Variants in PIP4P2 observed in about 807,000 individuals in gnomAD.
PIP4P2 encodes type 2 phosphatidylinositol 4,5-bisphosphate 4-phosphatase.
PIP4P2 carries 19 observed loss-of-function variants against 33.3 expected under a neutral mutation model. The ratio of observed to expected loss-of-function variants is 0.57; its 90% CI spans 0.40 to 0.84. The LOEUF (loss-of-function observed/expected upper bound fraction) is 0.84. Among genes scored for constraint, PIP4P2 ranks in the 40% least tolerant of loss-of-function variants. The pLI is 0.00. For synonymous variants in PIP4P2, 110 were observed against 111.9 expected (o/e 0.98, Z 0.11); for missense variants, 270 against 324.7 (o/e 0.83, Z 1.29).
intron 1 of PIP4P2, among the ~76,000 whole-genome samples, chr8:91,025,248 A>T (rs1468578257): frequency 1.3e-5 from 2 of 152,164 alleles, no homozygotes; most frequent in Non-Finnish European, 2.9e-5. Flanking sequence ...AAAACTTCAG[A>T]GAAAAACGGA....
At position 91,013,054 on chromosome 8, in the gene PIP4P2, C is replaced by T. The variant is rs552833571; in HGVS notation, c.487-4259G>A. 2.9e-4 allele frequency among the ~76,000 whole-genome samples: 44 copies of T among 152,220 alleles called. No homozygotes were observed. The South Asian group carries it at 8.1e-3, about 28-fold the overall frequency. On this transcript the variant is annotated intron_variant, in intron 4 of 6. Transcript: ENST00000285419. ...AATTCTTTATGCTATTCTTGACTATCATCATCACTTTGCTGAAAAATAAAA... is the reference window on the plus strand; with the variant it reads ...AATTCTTTATGCTATTCTTGACTATTATCATCACTTTGCTGAAAAATAAAA...
At chr8:90,999,469 A>G (rs961912657) in intron 5 of PIP4P2, among the ~76,000 whole-genome samples, 58 of 152,190 alleles carry the variant, frequency 3.8e-4, no homozygotes, top group African/African-American at 1.2e-3. Context: ...TTTCCACTCA[A>G]TTCAAAGAGG....
intron 5 of PIP4P2, among the ~76,000 whole-genome samples, chr8:91,007,383 C>T (rs537643784): frequency 1.8e-4 from 27 of 152,268 alleles, no homozygotes; most frequent in South Asian, 6.2e-4. Context: ...TATTCTACTT[C>T]CAAATACTTT....
intron 5 of PIP4P2, among the ~76,000 whole-genome samples, chr8:91,005,521 T>C (rs1563562265): frequency 6.6e-6 from 1 of 152,208 alleles, no homozygotes; most frequent in East Asian, 1.9e-4. Context: ...CTTAAAACTT[T>C]ATAGTAATTA....
At chr8:91,018,709 G>T in intron 3 of PIP4P2, 196 bp from the exon 4 acceptor site, 2 of 645,826 alleles carry the variant, frequency 3.1e-6, no homozygotes, top group South Asian at 2.0e-5. Context: ...CTGTACTTGG[G>T]ATAGAAACAA....
intron 4 of PIP4P2, among the ~76,000 whole-genome samples, chr8:91,012,568 A>C (rs1811853516): frequency 6.6e-6 from 1 of 152,092 alleles, no homozygotes; most frequent in African/African-American, 2.4e-5. Flanking sequence ...GTGTTCCCCT[A>C]ATCAACAAAA....
intron 1 of PIP4P2, among the ~76,000 whole-genome samples, chr8:91,032,414 G>A (rs1049434226): frequency 7.9e-5 from 12 of 152,056 alleles, no homozygotes; most frequent in Non-Finnish European, 1.8e-4. Context: ...GAAACAGCAG[G>A]AAGAATGTAT....
At chr8:91,034,000 C>A (rs2130382542) in intron 1 of PIP4P2, among the ~76,000 whole-genome samples, 1 of 152,014 alleles carries the variant, frequency 6.6e-6, no homozygotes, top group Admixed American at 6.6e-5. Context: ...TTGCCTGGAG[C>A]ACTCTTTCAG....
intron 1 of PIP4P2, among the ~76,000 whole-genome samples, chr8:91,021,863 A>G (rs540802753): frequency 5.9e-5 from 9 of 152,284 alleles, no homozygotes; most frequent in African/African-American, 1.9e-4. Flanking sequence ...CTGTCTTTAT[A>G]TTGGAACCAG....
At position 90,995,268 on chromosome 8, in the gene PIP4P2, A is replaced by G. The variant is rs1359029515; in HGVS notation, c.*409T>C. On this transcript the variant is annotated 3_prime_UTR_variant, in exon 7 of 7. Transcript: ENST00000285419. ...ATATTGCTTAGGTTTTAAGCAAGCA[A>G]TTTTGATACTGTTTAATTAAAATGT... The G allele has an allele frequency of 6.5e-6, 1 of 152,710 alleles. No homozygotes were observed. Among genetic ancestry groups the G allele is most frequent in the African/African-American group, 2.4e-5 (1 of 41,428 alleles). The allele number at this position is 152,710 out of a possible 1,614,324, so 9.5% of individuals were successfully genotyped here.
At chr8:91,024,461 C>G (rs1370747141) in intron 1 of PIP4P2, 1 of 286,458 alleles carries the variant, frequency 3.5e-6, no homozygotes, top group Admixed American at 3.9e-5. Context: ...TAGATTTATT[C>G]ATTTTGTCTC....
intron 1 of PIP4P2, among the ~76,000 whole-genome samples, chr8:91,035,911 C>T (rs371365224): frequency 6.6e-6 from 1 of 151,834 alleles, no homozygotes; most frequent in Non-Finnish European, 1.5e-5. Flanking sequence ...ACTCAGGAGA[C>T]TGAGGTGGGA....
intron 4 of PIP4P2, among the ~76,000 whole-genome samples, chr8:91,010,437 T>A (rs976929114): frequency 6.6e-6 from 1 of 151,878 alleles, no homozygotes; most frequent in Non-Finnish European, 1.5e-5. Flanking sequence ...AAGGAGATTG[T>A]TTAGTCCAAT....
chr8:91,029,217 G>A (rs796788622), intron 1 of PIP4P2, among the ~76,000 whole-genome samples: 9 of 152,136 alleles, frequency 5.9e-5, no homozygotes, highest in African/African-American at 1.4e-4. Flanking sequence ...CTTGAACCCC[G>A]GAGGCGGAAG....
chr8:91,016,889 T>C (rs1474638378), intron 4 of PIP4P2, among the ~76,000 whole-genome samples: 1 of 152,112 alleles, frequency 6.6e-6, no homozygotes, highest in African/African-American at 2.4e-5. Flanking sequence ...GATTTACACA[T>C]AGAAAATTAA....
intron 1 of PIP4P2, among the ~76,000 whole-genome samples, chr8:91,027,628 G>A (rs1247197277): frequency 2.0e-5 from 3 of 151,984 alleles, no homozygotes; most frequent in Admixed American, 6.6e-5. Flanking sequence ...AAACCAAAGA[G>A]AATAAAACAC....
At chr8:91,008,603 T>A (rs1268574500) in intron 5 of PIP4P2, 140 bp downstream of exon 5, 12 of 591,710 alleles carry the variant, frequency 2.0e-5, no homozygotes, top group African/African-American at 3.7e-5. Context: ...ATCTTTTTAG[T>A]CTTAAAAAGC....
intron 1 of PIP4P2, among the ~76,000 whole-genome samples, chr8:91,038,133 A>T (rs1487788547): frequency 1.3e-5 from 2 of 152,172 alleles, no homozygotes; most frequent in Non-Finnish European, 2.9e-5. Context: ...CTTGTGCTAA[A>T]ACCAAACACA....
intron 5 of PIP4P2, among the ~76,000 whole-genome samples, chr8:91,007,905 C>A (rs954869175): frequency 6.6e-6 from 1 of 152,090 alleles, no homozygotes; most frequent in Non-Finnish European, 1.5e-5. Flanking sequence ...CCAGTAGAAA[C>A]CTTGGGTACT....
Sources: allele counts gnomAD v4.1 joint callset (sites outside exome capture counted in the v4.1 genomes callset), GRCh38; gene constraint gnomAD v4.1.1; transcripts MANE v1.5; gene names NCBI Gene and HGNC (gene_info 2026-07-23, HGNC 2026-07-21).